CPED1: variants seen among roughly 807,000 people sequenced by gnomAD.
CPED1 encodes cadherin like and PC-esterase domain containing 1.
A neutral mutation model predicts 128.2 loss-of-function variants in CPED1; 114 were observed. The ratio of observed to expected loss-of-function variants is 0.89; its 90% CI spans 0.76 to 1.04. CPED1 has a LOEUF of 1.04. Among genes scored for constraint, CPED1 ranks in the 50% least tolerant of loss-of-function variants. CPED1 has a pLI of 0.00. For missense variants in CPED1, 1,211 were observed against 1,207.1 expected (o/e 1.00, Z -0.05); for synonymous variants, 462 against 426.7 (o/e 1.08, Z -1.02).
intron 4 of CPED1, among the ~76,000 whole-genome samples, chr7:121,059,134 T>C (rs1162937946): frequency 1.3e-5 from 2 of 152,198 alleles, no homozygotes; most frequent in Non-Finnish European, 2.9e-5. Context: ...TCACCGCAAG[T>C]AGACAGGTGC....
intron 16 of CPED1, among the ~76,000 whole-genome samples, chr7:121,209,694 C>A (rs571927481): frequency 6.6e-6 from 1 of 152,072 alleles, no homozygotes; most frequent in South Asian, 2.1e-4. Context: ...TTGGTCTGAG[C>A]AAAGATTTCT....
At chr7:121,050,115 T>G (rs1023963142) in intron 4 of CPED1, among the ~76,000 whole-genome samples, 2 of 152,210 alleles carry the variant, frequency 1.3e-5, no homozygotes, top group African/African-American at 4.8e-5. Flanking sequence ...ACCCACTCTG[T>G]CATCTCCTAA....
intron 5 of CPED1, among the ~76,000 whole-genome samples, chr7:121,078,494 GAAAGAAAAAAAAAAAAAA>G (rs1794193064): frequency 2.5e-5 from 1 of 39,554 alleles, no homozygotes; most frequent in African/African-American, 6.1e-5. Flanking sequence ...AAGAAAGAAA[GAAAGAAAAAAAAAAAAAA>G]AAAAAAAAAA....
At chr7:121,288,954 A>G (rs1244967402) in intron 22 of CPED1, among the ~76,000 whole-genome samples, 1 of 152,218 alleles carries the variant, frequency 6.6e-6, no homozygotes, top group Non-Finnish European at 1.5e-5. Context: ...GTTGAGTACA[A>G]ACCTCCTCTA....
intron 6 of CPED1, among the ~76,000 whole-genome samples, 159 bp downstream of exon 6, chr7:121,097,990 T>A (rs192448423): frequency 1.4e-3 from 209 of 152,340 alleles, no homozygotes; most frequent in African/African-American, 4.5e-3. Flanking sequence ...AATGCCATCA[T>A]TGACTTTCTC....
In CPED1 at chr7:121,116,705, G is replaced by T. The variant is rs1584522664; in HGVS notation, c.919-7626G>T. 2.6e-5 allele frequency among the ~76,000 whole-genome samples: 4 copies of T among 152,088 alleles called. No homozygotes were observed. In the East Asian group the frequency reaches 7.7e-4, roughly 29 times the overall value. ...AAGGCAGAAGTAATGCTGGGGCTTT[G>T]TAGCAAAGCAGATTGGCTTCAATAC... On this transcript the variant is annotated intron_variant, in intron 7 of 22. Transcript: ENST00000310396.
intron 18 of CPED1, among the ~76,000 whole-genome samples, chr7:121,253,268 C>T (rs1798727652): frequency 7.5e-6 from 1 of 133,162 alleles, no homozygotes; most frequent in African/African-American, 2.9e-5. Flanking sequence ...ACCATGAGAA[C>T]ATATGGACAC....
intron 6 of CPED1, among the ~76,000 whole-genome samples, chr7:121,099,645 C>T (rs1794792347): frequency 6.6e-6 from 1 of 152,188 alleles, no homozygotes; most frequent in African/African-American, 2.4e-5. Context: ...GGATTATAGG[C>T]ATAAGTCACT....
At chr7:121,179,148 T>G (rs572274596) in intron 16 of CPED1, among the ~76,000 whole-genome samples, 1 of 152,206 alleles carries the variant, frequency 6.6e-6, no homozygotes, top group Non-Finnish European at 1.5e-5. Context: ...GGTATGGGTG[T>G]TAGGACTATG....
At position 121,133,037 on chromosome 7, in the gene CPED1, G is replaced by A. The variant is rs191310476; in HGVS notation, c.1578-786G>A. On this transcript the variant is annotated intron_variant, in intron 12 of 22. Transcript: ENST00000310396. Reference sequence around the variant, plus strand: ...CTGGGACAATACATATTTCTAAAATGTTATTTAACAAAGAAAATTGTATTT... The same window carrying A: ...CTGGGACAATACATATTTCTAAAATATTATTTAACAAAGAAAATTGTATTT... Among the ~76,000 whole-genome samples the A allele has an allele frequency of 3.7e-4, 57 of 152,136 alleles. 1 individual carries two copies. The East Asian group carries it at 9.8e-3, about 26-fold the overall frequency.
chr7:121,170,858 C>T (rs2116466877), intron 16 of CPED1, among the ~76,000 whole-genome samples: 1 of 152,106 alleles, frequency 6.6e-6, no homozygotes, highest in East Asian at 1.9e-4. Context: ...CCAGACCAGC[C>T]TGGCCAACAT....
intron 2 of CPED1, among the ~76,000 whole-genome samples, chr7:120,994,365 T>G (rs1450959476): frequency 6.6e-6 from 1 of 152,202 alleles, no homozygotes; most frequent in Non-Finnish European, 1.5e-5. Flanking sequence ...TTAGTAAATA[T>G]TTATTGGACA....
intron 6 of CPED1, among the ~76,000 whole-genome samples, chr7:121,098,173 T>C (rs563947609): frequency 6.6e-6 from 1 of 152,328 alleles, no homozygotes; most frequent in African/African-American, 2.4e-5. Flanking sequence ...TGAATATGGC[T>C]GGATGCATTT....
chr7:121,082,605 T>C (rs2116144925), intron 5 of CPED1, among the ~76,000 whole-genome samples: 1 of 152,330 alleles, frequency 6.6e-6, no homozygotes, highest in Admixed American at 6.5e-5. Flanking sequence ...AGACACTATG[T>C]CAGGCACTTT....
intron 2 of CPED1, among the ~76,000 whole-genome samples, chr7:121,014,011 G>A (rs998103246): frequency 3.9e-5 from 6 of 152,176 alleles, no homozygotes; most frequent in Middle Eastern, 3.2e-3. Flanking sequence ...ATTTCCTTTC[G>A]TGAGTGCTAA....
At chr7:121,085,558 C>CA (rs1794403129) in intron 5 of CPED1, among the ~76,000 whole-genome samples, 1 of 152,088 alleles carries the variant, frequency 6.6e-6, no homozygotes, top group African/African-American at 2.4e-5. Flanking sequence ...GAACAGCATA[C>CA]AAAAAAGTGC....
At chr7:121,097,609 C>T in intron 5 of CPED1, 90 bp from the exon 6 acceptor site, 1 of 1,420,496 alleles carries the variant, frequency 7.0e-7, no homozygotes, top group Non-Finnish European at 9.7e-7. Context: ...CTCATGTACC[C>T]TGCAGTTTAA....
chr7:121,246,568 T>C (rs571297382), intron 18 of CPED1, among the ~76,000 whole-genome samples: 1 of 152,298 alleles, frequency 6.6e-6, no homozygotes, highest in Non-Finnish European at 1.5e-5. Flanking sequence ...ACTAATCCCA[T>C]CATGAAGCCT....
chr7:121,007,978 TTTTC>T (rs971632866), intron 2 of CPED1, among the ~76,000 whole-genome samples: 1 of 151,746 alleles, frequency 6.6e-6, no homozygotes, highest in Non-Finnish European at 1.5e-5. Context: ...TTTTCTTTTC[TTTTC>T]TTTCTTTCTT....
Sources: allele counts gnomAD v4.1 joint callset (sites outside exome capture counted in the v4.1 genomes callset), GRCh38; gene constraint gnomAD v4.1.1; transcripts MANE v1.5; gene names NCBI Gene and HGNC (gene_info 2026-07-23, HGNC 2026-07-21).